Variants in NCAM2 observed in about 807,000 individuals in gnomAD.
NCAM2 encodes neural cell adhesion molecule 2, also known as N-CAM-2.
Under a neutral mutation model 98.1 loss-of-function variants are expected in NCAM2, and 30 were observed. The observed-to-expected ratio is 0.31, with a 90% confidence interval of 0.23 to 0.41. The LOEUF (loss-of-function observed/expected upper bound fraction) is 0.41, where lower values mean the gene tolerates loss of function less well. NCAM2 is among the 10% of genes least tolerant of loss of function. The pLI, the probability that NCAM2 is intolerant of heterozygous loss-of-function variation, is 1.00. For missense variants in NCAM2, 867 were observed against 1,005.8 expected (o/e 0.86, Z 1.87); for synonymous variants, 368 against 342.4 (o/e 1.07, Z -0.83).
In NCAM2 at chr21:21,205,925, A is replaced by G. The variant is rs139195825; in HGVS notation, c.56-74653A>G. ...TTATATAAGGGTTCTAATCCCATTC[A>G]TGAAAGCTTTGCCCTCATAACTTAG... On this transcript the variant is annotated intron_variant, in intron 1 of 17. Coordinates refer to ENST00000400546, the MANE Select transcript of NCAM2 (RefSeq NM_004540.5). 7.9e-5 allele frequency among the ~76,000 whole-genome samples: 12 copies of G among 152,266 alleles called. No homozygotes were observed. In the East Asian group the frequency reaches 2.1e-3, roughly 27 times the overall value.
At chr21:21,072,615 A>T (rs1280136480) in intron 1 of NCAM2, among the ~76,000 whole-genome samples, 13 of 152,132 alleles carry the variant, frequency 8.5e-5, no homozygotes, top group African/African-American at 3.1e-4. Context: ...AATGGATCTG[A>T]AAACGTTTCA....
intron 1 of NCAM2, among the ~76,000 whole-genome samples, chr21:21,119,067 T>C (rs2066620312): frequency 6.6e-6 from 1 of 152,184 alleles, no homozygotes; most frequent in Non-Finnish European, 1.5e-5. Flanking sequence ...TTGATCATAC[T>C]GTGCATTACT....
intron 1 of NCAM2, among the ~76,000 whole-genome samples, chr21:21,181,202 T>C (rs1050673020): frequency 2.6e-5 from 4 of 152,174 alleles, no homozygotes; most frequent in African/African-American, 9.6e-5. Flanking sequence ...TAAGGGAATA[T>C]GGCAGTAGGA....
chr21:21,238,959 C>A (rs1276771624), intron 1 of NCAM2, among the ~76,000 whole-genome samples: 1 of 152,070 alleles, frequency 6.6e-6, no homozygotes, highest in Non-Finnish European at 1.5e-5. Flanking sequence ...CATTTGTAAC[C>A]TCTAGATACA....
chr21:21,472,677 T>C (rs997488166), intron 14 of NCAM2, among the ~76,000 whole-genome samples: 1 of 149,964 alleles, frequency 6.7e-6, no homozygotes, highest in Non-Finnish European at 1.5e-5. Flanking sequence ...ATAATTAATA[T>C]GAGAAATAAG....
intron 1 of NCAM2, among the ~76,000 whole-genome samples, chr21:21,030,504 C>T (rs2064656937): frequency 6.6e-6 from 1 of 152,166 alleles, no homozygotes; most frequent in Admixed American, 6.6e-5. Context: ...TTAAACTCAC[C>T]CAGATCATTC....
intron 15 of NCAM2, among the ~76,000 whole-genome samples, chr21:21,488,021 T>C (rs542629803): frequency 6.6e-6 from 1 of 152,286 alleles, no homozygotes; most frequent in African/African-American, 2.4e-5. Flanking sequence ...ATTCCTGGTA[T>C]ACATGAACAA....
chr21:21,025,680 G>C (rs2064531123), intron 1 of NCAM2, among the ~76,000 whole-genome samples: 1 of 152,030 alleles, frequency 6.6e-6, no homozygotes, highest in Non-Finnish European at 1.5e-5. Flanking sequence ...TTTTCACAAA[G>C]AGGAGGCATT....
At chr21:21,240,532 C>G (rs1244730698) in intron 1 of NCAM2, among the ~76,000 whole-genome samples, 1 of 152,218 alleles carries the variant, frequency 6.6e-6, no homozygotes, top group Non-Finnish European at 1.5e-5. Flanking sequence ...GGAAAAGGCA[C>G]TTAACCCAGA....
intron 15 of NCAM2, among the ~76,000 whole-genome samples, chr21:21,501,545 A>C (rs2826868): frequency 0.04 from 6,054 of 151,870 alleles, 170 homozygotes; most frequent in Non-Finnish European, 0.062. Flanking sequence ...CATTTTAGGC[A>C]ACCCTTCTGG....
chr21:21,461,223 A>G (rs1227432745), intron 12 of NCAM2, among the ~76,000 whole-genome samples: 2 of 151,926 alleles, frequency 1.3e-5, no homozygotes, highest in Non-Finnish European at 2.9e-5. Flanking sequence ...TATATTTGAA[A>G]TGAAAAATAC....
At chr21:21,385,070 T>C (rs980303836) in intron 9 of NCAM2, among the ~76,000 whole-genome samples, 26 of 152,100 alleles carry the variant, frequency 1.7e-4, no homozygotes, top group African/African-American at 5.8e-4. Flanking sequence ...TAATTCCCTT[T>C]ATGTGAAGAT....
intron 1 of NCAM2, among the ~76,000 whole-genome samples, chr21:21,269,406 A>G (rs1240140002): frequency 6.6e-6 from 1 of 152,162 alleles, no homozygotes; most frequent in African/African-American, 2.4e-5. Flanking sequence ...ACATCTCCTC[A>G]GTGAGTCCAT....
intron 15 of NCAM2, among the ~76,000 whole-genome samples, chr21:21,483,727 C>T (rs1986099309): frequency 6.6e-6 from 1 of 152,062 alleles, no homozygotes; most frequent in South Asian, 2.1e-4. Context: ...TGATACTACA[C>T]CTGCAGCAGC....
intron 14 of NCAM2, 120 bp downstream of exon 14, chr21:21,468,903 A>C (rs1984070996): frequency 1.1e-6 from 1 of 900,452 alleles, no homozygotes; most frequent in East Asian, 2.9e-5. Context: ...ATAAATGCTA[A>C]TCTTCCTTCC....
intron 1 of NCAM2, among the ~76,000 whole-genome samples, chr21:21,125,407 A>C (rs1397714971): frequency 1.4e-5 from 2 of 139,208 alleles, no homozygotes; most frequent in Non-Finnish European, 3.0e-5. Flanking sequence ...TGTAATATAT[A>C]ATATTTTACA....
chr21:21,447,272 A>G (rs1052000759), intron 12 of NCAM2, among the ~76,000 whole-genome samples: 1 of 152,170 alleles, frequency 6.6e-6, no homozygotes, highest in African/African-American at 2.4e-5. Context: ...TTGATATTCT[A>G]CAAACCTGAC....
intron 16 of NCAM2, among the ~76,000 whole-genome samples, chr21:21,522,462 G>C (rs1237803255): frequency 6.6e-6 from 1 of 151,154 alleles, no homozygotes; most frequent in African/African-American, 2.4e-5. Flanking sequence ...TGTTGAGAGA[G>C]AAAACCCCGC....
At chr21:21,515,081 C>G (rs897999717) in intron 16 of NCAM2, among the ~76,000 whole-genome samples, 4 of 152,134 alleles carry the variant, frequency 2.6e-5, no homozygotes, top group Admixed American at 2.6e-4. Context: ...ATTAATTTTG[C>G]AGATTCATTG....
Sources: allele counts gnomAD v4.1 joint callset (sites outside exome capture counted in the v4.1 genomes callset), GRCh38; gene constraint gnomAD v4.1.1; transcripts MANE v1.5; gene names NCBI Gene and HGNC (gene_info 2026-07-23, HGNC 2026-07-21).